Variants in TTC3 observed in about 807,000 individuals in gnomAD.
The protein encoded by TTC3 is E3 ubiquitin-protein ligase TTC3.
A neutral mutation model predicts 249.6 loss-of-function variants in TTC3; 180 were observed. The ratio of observed to expected loss-of-function variants is 0.72; its 90% confidence interval spans 0.64 to 0.82. The LOEUF (loss-of-function observed/expected upper bound fraction) is 0.82. Ranked by LOEUF, TTC3 falls within the 40% of genes least tolerant of loss-of-function variation. The pLI is 0.00. For synonymous variants in TTC3, 717 were observed against 805.0 expected, an observed-to-expected ratio of 0.89 and a Z score of 1.85; for missense variants, 2,061 against 2,398.4, an observed-to-expected ratio of 0.86 and a Z score of 2.94.
At chr21:37,136,147 C>A (rs542654121) in intron 18 of TTC3, among the ~76,000 whole-genome samples, 22 of 152,066 alleles carry the variant, frequency 1.4e-4, no homozygotes, top group Non-Finnish European at 3.1e-4. Flanking sequence ...TTATCTCCAC[C>A]CCCTTCCTTA....
exon 7 of TTC3, chr21:37,091,396 G>A (rs1448262853): frequency 6.2e-7 from 1 of 1,608,356 alleles, no homozygotes; most frequent in Non-Finnish European, 8.5e-7. Context: ...CCTATGTTAA[G>A]TATTTTCTTT....
intron 40 of TTC3, 130 bp downstream of exon 40, chr21:37,191,554 T>C (rs2084104051): frequency 1.8e-6 from 1 of 549,658 alleles, no homozygotes; most frequent in Admixed American, 4.2e-5. Context: ...TTGAAAGTAT[T>C]ATGAGCTTTT....
chr21:37,122,857 A>G, intron 12 of TTC3, 126 bp from the exon 13 acceptor site: 2 of 964,538 alleles, frequency 2.1e-6, no homozygotes, highest in Non-Finnish European at 3.1e-6. Flanking sequence ...AATTGCTTAG[A>G]TTTACTTTTC....
intron 13 of TTC3, among the ~76,000 whole-genome samples, chr21:37,123,843 G>A (rs1180687831): frequency 6.6e-6 from 1 of 151,784 alleles, no homozygotes; most frequent in Non-Finnish European, 1.5e-5. Context: ...CTGCCTCCCG[G>A]GTTCAAGCGA....
intron 28 of TTC3, chr21:37,158,272 A>G (rs1364588098): frequency 1.1e-6 from 1 of 920,270 alleles, no homozygotes; most frequent in Non-Finnish European, 1.3e-6. Context: ...AAACAAGACA[A>G]CTAAAAAGGA....
chr21:37,148,551 T>C lies in TTC3; in HGVS notation c.2022T>C (p.Phe674=), dbSNP rs531328193. 418 of 1,582,828 alleles carry C rather than the reference T, an allele frequency of 2.6e-4. 4 individuals carry two copies. The South Asian group carries it at 4.8e-3, about 18-fold the overall frequency. Residue 674 remains phenylalanine, a synonymous_variant, in exon 23 of 46, where the codon TTT becomes TTC. Transcript: ENST00000355666. Reference sequence around the variant, plus strand: ...AAAATTTTTTGTAACCCTAGGGTTTTATACGCATCAGCTGTTGCCAGTACT... The same window carrying C: ...AAAATTTTTTGTAACCCTAGGGTTTCATACGCATCAGCTGTTGCCAGTACT...
At chr21:37,161,847 G>T in intron 30 of TTC3, 143 bp from the exon 31 acceptor site, 1 of 502,328 alleles carries the variant, frequency 2.0e-6, no homozygotes. Flanking sequence ...ATGTGTTCCT[G>T]TTTATAAGAA....
chr21:37,156,203 ACT>A (rs1280173295), intron 27 of TTC3, among the ~76,000 whole-genome samples: 1 of 80,912 alleles, frequency 1.2e-5, no homozygotes, highest in Non-Finnish European at 2.1e-5. Context: ...TGCCTGGCTA[ACT>A]CTTTTTTTTT....
chr21:37,123,141 G>A (rs2076764188), intron 13 of TTC3, 113 bp downstream of exon 13: 2 of 1,064,162 alleles, frequency 1.9e-6, no homozygotes, highest in Admixed American at 3.8e-5. Flanking sequence ...CAGTAAAGTT[G>A]GAGATGGAAG....
At chr21:37,079,504 A>C (rs1026674775) in intron 1 of TTC3, among the ~76,000 whole-genome samples, 4 of 131,278 alleles carry the variant, frequency 3.0e-5, no homozygotes, top group Non-Finnish European at 6.4e-5. Context: ...CCTTTCATCA[A>C]GTTTATGGTA....
In TTC3 at chr21:37,124,744, T is replaced by G. The variant is rs2076921184; in HGVS notation, c.1233+2T>G. 6.2e-7 allele frequency: 1 copy of G among 1,611,366 alleles called. No homozygotes were observed. The highest frequency in any genetic ancestry group is 2.2e-5 in the East Asian group (1 of 44,750). On this transcript the variant is annotated splice_donor_variant, in intron 14 of 45. Coordinates refer to ENST00000355666, the Ensembl canonical transcript of TTC3. LOFTEE classifies it high-confidence loss of function. ...AACGGTGGTAATCAGAATCTAAAGGTAAGCTCCATTGAAAACTACAGTTTT... is the reference window on the plus strand; with the variant it reads ...AACGGTGGTAATCAGAATCTAAAGGGAAGCTCCATTGAAAACTACAGTTTT...
rs535321082 is a variant in TTC3 at position 37,136,312 on chromosome 21, G to A, written c.1578+798G>A. Among the ~76,000 whole-genome samples the A allele has an allele frequency of 8.5e-5, 13 of 152,336 alleles. No homozygotes were observed. The South Asian group carries it at 2.7e-3, about 32-fold the overall frequency. On this transcript the variant is annotated intron_variant, in intron 18 of 45. Coordinates refer to ENST00000355666, the Ensembl canonical transcript of TTC3. ...GCTTCGTGAGGAAGGTATGTTGAAA[G>A]CCAAGACAGGCAGAAAGCTAGTCCT...
At chr21:37,122,315 C>T (rs1418686480) in intron 12 of TTC3, among the ~76,000 whole-genome samples, 1 of 150,534 alleles carries the variant, frequency 6.6e-6, no homozygotes, top group African/African-American at 2.4e-5. Context: ...ATATTTCCTT[C>T]ATTGCTAAAG....
chr21:37,145,221 C>G (rs528188969), intron 21 of TTC3, among the ~76,000 whole-genome samples: 10 of 152,280 alleles, frequency 6.6e-5, no homozygotes, highest in African/African-American at 2.2e-4. Context: ...GTAGTGAACT[C>G]TCACATGTAC....
chr21:37,136,654 G>A (rs1182779779), intron 18 of TTC3, among the ~76,000 whole-genome samples: 1 of 152,202 alleles, frequency 6.6e-6, no homozygotes, highest in African/African-American at 2.4e-5. Context: ...ACATAAAAGT[G>A]CAAGGTGAAG....
intron 7 of TTC3, among the ~76,000 whole-genome samples, chr21:37,092,297 G>T (rs1032395245): frequency 9.2e-5 from 14 of 152,212 alleles, no homozygotes; most frequent in African/African-American, 3.4e-4. Flanking sequence ...TTAAGTGCTA[G>T]AAAGGAATTA....
intron 11 of TTC3, among the ~76,000 whole-genome samples, chr21:37,109,231 G>T (rs2075370864): frequency 6.6e-6 from 1 of 152,194 alleles, no homozygotes; most frequent in South Asian, 2.1e-4. Context: ...AGTGAGTGCA[G>T]CGCACCATGT....
intron 38 of TTC3, 115 bp from the exon 39 acceptor site, chr21:37,188,380 C>A: frequency 1.4e-6 from 1 of 690,802 alleles, no homozygotes; most frequent in Non-Finnish European, 2.4e-6. Context: ...ATGATTCTGT[C>A]ATGCTTCATT....
chr21:37,134,026 C>A (rs758066762), intron 17 of TTC3, among the ~76,000 whole-genome samples: 2 of 152,132 alleles, frequency 1.3e-5, no homozygotes, highest in Non-Finnish European at 2.9e-5. Context: ...GCTAGTATAT[C>A]ATCATTTATA....
Sources: allele counts gnomAD v4.1 joint callset (sites outside exome capture counted in the v4.1 genomes callset), GRCh38; gene constraint gnomAD v4.1.1; transcripts MANE v1.5; gene names NCBI Gene and HGNC (gene_info 2026-07-23, HGNC 2026-07-21).